TC2N: variants seen among roughly 807,000 people sequenced by gnomAD.
TC2N encodes tandem C2 domains, nuclear, also known as tandem C2 domains nuclear protein.
In TC2N, 51 loss-of-function variants were observed where a neutral mutation model predicts 61.9. That is an observed-to-expected ratio of 0.82 (90% CI 0.66 to 1.04). TC2N has a LOEUF of 1.04. Among genes scored for constraint, TC2N ranks in the 50% least tolerant of loss-of-function variants. TC2N has a pLI of 0.00. For synonymous variants in TC2N, 204 were observed against 192.6 expected, an observed-to-expected ratio of 1.06 and a Z score of -0.49; for missense variants, 556 against 566.7, an observed-to-expected ratio of 0.98 and a Z score of 0.19.
At position 91,856,174 on chromosome 14, in the gene TC2N, T is replaced by C. The variant is rs750589723; in HGVS notation, c.-57+11088A>G. On this transcript the variant is annotated intron_variant, in intron 1 of 11. Transcript: ENST00000435962. Reference sequence around the variant, plus strand: ...AGGGTTAAGGCTCTAACACAGAATCTGGCATATAAAAAGTATTCAAGATAC... The same window carrying C: ...AGGGTTAAGGCTCTAACACAGAATCCGGCATATAAAAAGTATTCAAGATAC... Among the ~76,000 whole-genome samples, 6 of 152,290 alleles carry C rather than the reference T, an allele frequency of 3.9e-5. No individual in the cohort carries two copies. In the South Asian group the frequency reaches 1.0e-3, roughly 26 times the overall value.
At chr14:91,824,951 T>C (rs904068026) in intron 1 of TC2N, among the ~76,000 whole-genome samples, 3 of 151,516 alleles carry the variant, frequency 2.0e-5, no homozygotes, top group African/African-American at 7.3e-5. Flanking sequence ...AGTTAGCAGG[T>C]GAACTGTGAA....
intron 1 of TC2N, among the ~76,000 whole-genome samples, chr14:91,822,369 T>C (rs1168459450): frequency 6.6e-6 from 1 of 152,198 alleles, no homozygotes; most frequent in Non-Finnish European, 1.5e-5. Flanking sequence ...AAAATAATTA[T>C]GCTGGGCAAA....
At chr14:91,844,760 C>CAAA (rs34223127) in intron 1 of TC2N, among the ~76,000 whole-genome samples, 16 of 92,542 alleles carry the variant, frequency 1.7e-4, no homozygotes, top group African/African-American at 6.0e-4. Flanking sequence ...GACTCTGTCT[C>CAAA]AAAAAAAAAA....
rs761779110 is a variant in TC2N at position 91,813,662 on chromosome 14, A to C, written c.67+41T>G. On this transcript the variant is annotated intron_variant, in intron 2 of 11. Transcript: ENST00000435962. ...TATTACAAAATGCCACAAATGAAGAAGATGCTACATAAATGTTACTGAAGT... is the reference window on the plus strand; with the variant it reads ...TATTACAAAATGCCACAAATGAAGACGATGCTACATAAATGTTACTGAAGT... 2.2e-5 allele frequency: 30 copies of C among 1,370,748 alleles called. No homozygotes were observed. The Middle Eastern group carries it at 7.2e-4, about 33-fold the overall frequency. 84.9% of individuals were successfully genotyped at this position (1,370,748 alleles called of 1,614,324 possible). A position where few individuals can be genotyped will look rare whatever the true frequency, so the allele number is the denominator to read the frequency against.
chr14:91,856,661 C>A (rs896785063), intron 1 of TC2N, among the ~76,000 whole-genome samples: 1 of 152,136 alleles, frequency 6.6e-6, no homozygotes, highest in African/African-American at 2.4e-5. Context: ...GCCCAGAGTG[C>A]CATATGGGAG....
intron 5 of TC2N, 54 bp from the exon 6 acceptor site, chr14:91,799,118 C>A: frequency 8.8e-7 from 1 of 1,139,934 alleles, no homozygotes; most frequent in Non-Finnish European, 1.3e-6. Flanking sequence ...CTTAAGGATT[C>A]TGATACATAT....
At chr14:91,865,389 T>TAA (rs1161340907) in intron 1 of TC2N, among the ~76,000 whole-genome samples, 1 of 144,772 alleles carries the variant, frequency 6.9e-6, no homozygotes, top group Non-Finnish European at 1.5e-5. Context: ...TTTTTTTTTT[T>TAA]TAAAAAAACA....
chr14:91,812,257 A>G (rs1886801880), intron 3 of TC2N, 55 bp downstream of exon 3: 1 of 888,702 alleles, frequency 1.1e-6, no homozygotes, highest in African/African-American at 1.7e-5. Context: ...AAAGTAAAAT[A>G]ATAGCACTTA....
At chr14:91,783,904 C>G (rs1270402864) in intron 11 of TC2N, among the ~76,000 whole-genome samples, 2 of 152,222 alleles carry the variant, frequency 1.3e-5, no homozygotes, top group African/African-American at 4.8e-5. Flanking sequence ...GAGATTGGAG[C>G]AGGTCATTGG....
intron 1 of TC2N, among the ~76,000 whole-genome samples, chr14:91,831,476 T>C (rs1021067697): frequency 1.3e-5 from 2 of 152,216 alleles, no homozygotes; most frequent in Non-Finnish European, 2.9e-5. Context: ...TTCTCTCAAG[T>C]ATCAAGGTTC....
At chr14:91,785,852 T>A (rs1402108112) in intron 10 of TC2N, among the ~76,000 whole-genome samples, 1 of 151,894 alleles carries the variant, frequency 6.6e-6, no homozygotes, top group Admixed American at 6.6e-5. Flanking sequence ...AACCTTCCCA[T>A]AAACAACTAT....
chr14:91,815,618 G>A (rs1886972586), intron 1 of TC2N, among the ~76,000 whole-genome samples: 1 of 151,462 alleles, frequency 6.6e-6, no homozygotes. Context: ...AAACATATGC[G>A]AAGAAGTATA....
intron 1 of TC2N, among the ~76,000 whole-genome samples, chr14:91,863,601 C>T (rs928234234): frequency 2.0e-5 from 3 of 152,112 alleles, no homozygotes; most frequent in African/African-American, 7.2e-5. Flanking sequence ...AGAAGGGAAG[C>T]TTTGTCAAAA....
Position 91,837,351 on chromosome 14 carries a change from C to G in TC2N, c.-56-23526G>C, listed in dbSNP as rs1299397207. Among the ~76,000 whole-genome samples the G allele has an allele frequency of 6.6e-6, 1 of 152,078 alleles. No homozygotes were observed. The highest frequency in any genetic ancestry group is 1.5e-5 in the Non-Finnish European group (1 of 68,012). ...CCACCTCAGCCCCTCCGCCAAGTAG[C>G]TGGGAATACAGGCGCGAGCCAGCAT... On this transcript the variant is annotated intron_variant, in intron 1 of 11. Transcript: ENST00000435962. This position sits in a 1 kb window ranked among gnomAD's most constrained non-coding sequence, Gnocchi z 4.2.
chr14:91,822,714 C>CT (rs35093902), intron 1 of TC2N, among the ~76,000 whole-genome samples: 65,269 of 125,400 alleles, frequency 0.52, 17,638 homozygotes, highest in Admixed American at 0.54. Context: ...TACTCATTAT[C>CT]TTTTTTTTTT....
chr14:91,789,967 G>A (rs1201515049), intron 9 of TC2N, among the ~76,000 whole-genome samples: 3 of 152,046 alleles, frequency 2.0e-5, no homozygotes, highest in Admixed American at 6.5e-5. Context: ...TCTTCTTAGC[G>A]GGGCAATACA....
At chr14:91,802,889 A>C (rs1886328333) in intron 3 of TC2N, among the ~76,000 whole-genome samples, 1 of 152,200 alleles carries the variant, frequency 6.6e-6, no homozygotes, top group African/African-American at 2.4e-5. Flanking sequence ...ATTAAGTTGG[A>C]AATCAAATAG....
chr14:91,828,652 G>C (rs1453475579), intron 1 of TC2N, among the ~76,000 whole-genome samples: 1 of 151,928 alleles, frequency 6.6e-6, no homozygotes, highest in Middle Eastern at 3.2e-3. Flanking sequence ...TTCCTTGAAA[G>C]TATTCTGATG....
At chr14:91,813,337 G>A (rs556621110) in intron 2 of TC2N, among the ~76,000 whole-genome samples, 18 of 151,788 alleles carry the variant, frequency 1.2e-4, no homozygotes, top group African/African-American at 3.4e-4. Flanking sequence ...GTCAGAATAT[G>A]TTGTCTCCCA....
Sources: allele counts gnomAD v4.1 joint callset (sites outside exome capture counted in the v4.1 genomes callset), GRCh38; gene constraint gnomAD v4.1.1; non-coding constraint Gnocchi (gnomAD v3.1); transcripts MANE v1.5; gene names NCBI Gene and HGNC (gene_info 2026-07-23, HGNC 2026-07-21).